Variants in GALNT14 observed in about 807,000 individuals in gnomAD.
GALNT14 encodes the protein polypeptide N-acetylgalactosaminyltransferase 14, also known as UDP-GalNAc:polypeptide N-acetylgalactosaminyltransferase 14.
In GALNT14, 60 loss-of-function variants were observed where a neutral mutation model predicts 77.5. The observed-to-expected ratio is 0.77, with a 90% confidence interval of 0.63 to 0.96. The LOEUF (loss-of-function observed/expected upper bound fraction) is 0.96. Among genes scored for constraint, GALNT14 ranks in the 40% least tolerant of loss-of-function variants. The pLI is 0.00. For missense variants in GALNT14, 710 were observed against 731.0 expected, an observed-to-expected ratio of 0.97 and a Z score of 0.33; for synonymous variants, 280 against 281.7, an observed-to-expected ratio of 0.99 and a Z score of 0.06.
chr2:30,907,030 C>T (rs1572945251), downstream of GALNT14, among the ~76,000 whole-genome samples: 1 of 152,062 alleles, frequency 6.6e-6, no homozygotes, highest in Non-Finnish European at 1.5e-5. Flanking sequence ...AGACACAACA[C>T]ACCAGAATCT....
At chr2:30,916,721 C>CA (rs1664700923) in intron 13 of GALNT14, among the ~76,000 whole-genome samples, 1 of 152,118 alleles carries the variant, frequency 6.6e-6, no homozygotes, top group African/African-American at 2.4e-5. Flanking sequence ...GCCACAGCAC[C>CA]CAGCCTGGGG....
At chr2:31,101,479 T>A (rs1298195887) in intron 1 of GALNT14, among the ~76,000 whole-genome samples, 3 of 145,220 alleles carry the variant, frequency 2.1e-5, no homozygotes, top group Admixed American at 1.3e-4. Context: ...GTATACCTAT[T>A]TAAATTTTTT....
intron 1 of GALNT14, 108 bp from the exon 2 acceptor site, chr2:30,993,115 T>G (rs1166536783): frequency 9.0e-6 from 11 of 1,228,228 alleles, no homozygotes; most frequent in Non-Finnish European, 1.3e-5. Context: ...CTGGCAAGGT[T>G]TGGCTCAAAG....
chr2:31,100,509 C>A (rs935585831), intron 1 of GALNT14, among the ~76,000 whole-genome samples: 1 of 152,006 alleles, frequency 6.6e-6, no homozygotes, highest in African/African-American at 2.4e-5. Flanking sequence ...CATCTTCATA[C>A]AGCAACAACT....
chr2:31,128,309 C>A (rs1269903354), intron 1 of GALNT14, among the ~76,000 whole-genome samples: 2 of 152,046 alleles, frequency 1.3e-5, no homozygotes, highest in African/African-American at 4.8e-5. Context: ...GGTGCCCCCA[C>A]ATTAGAGGCA....
chr2:31,122,879 G>A (rs750298211), intron 1 of GALNT14, among the ~76,000 whole-genome samples: 9 of 152,006 alleles, frequency 5.9e-5, no homozygotes, highest in South Asian at 4.1e-4. Context: ...AAAGGAATTC[G>A]GCTCCAATAA....
At chr2:31,089,116 C>A (rs141846004) in intron 1 of GALNT14, among the ~76,000 whole-genome samples, 1 of 152,140 alleles carries the variant, frequency 6.6e-6, no homozygotes, top group African/African-American at 2.4e-5. Context: ...CTAATTTTCT[C>A]TGTAGATCTA....
chr2:30,943,728 A>G (rs1026787531), intron 8 of GALNT14, among the ~76,000 whole-genome samples: 11 of 152,232 alleles, frequency 7.2e-5, no homozygotes, highest in Admixed American at 5.9e-4. Flanking sequence ...CCCTTTAGAA[A>G]TGAAGGACTT....
At chr2:31,126,538 T>G (rs1337008968) in intron 1 of GALNT14, among the ~76,000 whole-genome samples, 1 of 152,130 alleles carries the variant, frequency 6.6e-6, no homozygotes, top group Non-Finnish European at 1.5e-5. Context: ...GATGACTAAC[T>G]CAGAAAGCAC....
rs13410774 is a variant in GALNT14 at position 30,946,256 on chromosome 2, T to C, written c.655-386A>G. ...GGCAGAGGACATAGTTAGCTGGTGA[T>C]ACGGTTTGGATCTGTGTCCCCAATC... is the stretch of plus-strand genomic sequence containing the variant. On this transcript the variant is annotated intron_variant, in intron 6 of 14. Transcript: ENST00000349752. Among the ~76,000 whole-genome samples the C allele has an allele frequency of 1.8e-3, 276 of 152,284 alleles. 1 individual carries two copies. The highest frequency in any genetic ancestry group is 6.2e-3 in the African/African-American group (259 of 41,550).
At chr2:31,115,421 C>A (rs1002934801) in intron 1 of GALNT14, among the ~76,000 whole-genome samples, 4 of 151,924 alleles carry the variant, frequency 2.6e-5, no homozygotes, top group African/African-American at 9.7e-5. Context: ...ATATTCTGAT[C>A]AAAAAATAAA....
At position 30,910,667 on chromosome 2, in the gene GALNT14, G is replaced by A; in HGVS notation, c.*234C>T. 2.0e-6 allele frequency: 1 copy of A among 489,828 alleles called. No homozygotes were observed. The allele number at this position is 489,828 out of a possible 1,614,324, so 30.3% of individuals were successfully genotyped here. A position where few individuals can be genotyped will look rare whatever the true frequency, so the allele number is the denominator to read the frequency against. ...ATACCAATCAGGGAATGACTGGCCA[G>A]GACTGGAACTTAACGGCCTTGAGAA... On this transcript the variant is annotated 3_prime_UTR_variant, in exon 15 of 15. Coordinates refer to ENST00000349752, the MANE Select transcript of GALNT14 (RefSeq NM_024572.4).
intron 11 of GALNT14, among the ~76,000 whole-genome samples, chr2:30,929,022 G>C (rs1167881053): frequency 6.6e-6 from 1 of 152,216 alleles, no homozygotes; most frequent in African/African-American, 2.4e-5. Context: ...TCCAAGGAAG[G>C]AGAGAGCTTA....
the GALNT14 span, among the ~76,000 whole-genome samples, chr2:30,895,649 G>T: frequency 8.6e-5 from 13 of 151,920 alleles, no homozygotes; most frequent in South Asian, 2.1e-4. Context: ...TCTTCCCCTT[G>T]TCCTGGCAGC....
the GALNT14 span, among the ~76,000 whole-genome samples, chr2:30,895,214 C>G: frequency 6.6e-6 from 1 of 152,166 alleles, no homozygotes; most frequent in Non-Finnish European, 1.5e-5. Context: ...GAGAGCCAGA[C>G]CCTGACAGAG....
At chr2:31,019,948 G>C (rs1217190677) in intron 1 of GALNT14, among the ~76,000 whole-genome samples, 1 of 152,162 alleles carries the variant, frequency 6.6e-6, no homozygotes, top group Non-Finnish European at 1.5e-5. Context: ...CTTGAGTAAG[G>C]GGCGAGCGGT....
chr2:30,903,783 G>T, the GALNT14 span, among the ~76,000 whole-genome samples: 7 of 152,218 alleles, frequency 4.6e-5, no homozygotes, highest in Non-Finnish European at 7.3e-5. Flanking sequence ...AGGGTCATTT[G>T]TTATGCAGCA....
At chr2:30,944,130 C>T (rs545860805) in intron 8 of GALNT14, among the ~76,000 whole-genome samples, 3 of 152,292 alleles carry the variant, frequency 2.0e-5, no homozygotes, top group Admixed American at 6.5e-5. Context: ...CTTAAGTATT[C>T]CCAAGAGGCC....
intron 9 of GALNT14, among the ~76,000 whole-genome samples, chr2:30,932,852 T>C (rs1665824695): frequency 6.6e-6 from 1 of 152,218 alleles, no homozygotes; most frequent in South Asian, 2.1e-4. Flanking sequence ...GTCTGTGCAG[T>C]TAACTAGAGC....
Sources: gnomAD v4.1 joint callset for allele counts (sites outside exome capture counted in the v4.1 genomes callset) on GRCh38, gnomAD v4.1.1 for gene constraint, MANE v1.5 for transcripts, NCBI Gene and HGNC (gene_info 2026-07-23, HGNC 2026-07-21) for gene names.